TESK1: variants seen among roughly 807,000 people sequenced by gnomAD.
TESK1 encodes testis associated actin remodelling kinase 1.
In TESK1, 18 loss-of-function variants were observed where a neutral mutation model predicts 59.9. That is an observed-to-expected ratio of 0.30 (90% confidence interval 0.21 to 0.45). The LOEUF is 0.45. Among genes scored for constraint, TESK1 ranks in the 20% least tolerant of loss-of-function variants. The pLI, the probability that TESK1 is intolerant of heterozygous loss-of-function variation, is 1.00. For synonymous variants in TESK1, 341 were observed against 357.4 expected (o/e 0.95, Z 0.52); for missense variants, 748 against 840.9 (o/e 0.89, Z 1.37).
Position 35,609,633 on chromosome 9 carries a change from T to C in TESK1, c.1772T>C (p.Val591Ala). Residue 591 changes from valine to alanine, a missense_variant, in exon 10 of 10, where the codon GTT (valine) becomes GCT (alanine). Val to Ala is a moderately conservative substitution (Grantham distance 64). Transcript: ENST00000336395. The surrounding 1 kb of genome is among the most constrained non-coding windows in gnomAD (Gnocchi z 6.7). ...LSMCPRPTPA[V>A]ARYRNLNCEA... ...ATGTGCCCCCGCCCCACACCAGCTG[T>C]TGCCCGCTACCGCAACCTGAACTGT... 1 of 1,609,736 alleles carries C rather than the reference T, an allele frequency of 6.2e-7. No homozygotes were observed.
Position 35,607,456 on chromosome 9 carries a change from A to G in TESK1, c.620+47A>G, listed in dbSNP as rs1488909750. The G allele has an allele frequency of 5.6e-6, 9 of 1,607,030 alleles. No homozygotes were observed. The highest frequency in any genetic ancestry group is 3.3e-5 in the Admixed American group (2 of 60,012). On this transcript the variant is annotated intron_variant, in intron 5 of 9. Coordinates refer to ENST00000336395, the MANE Select transcript of TESK1 (RefSeq NM_006285.3). This position sits in a 1 kb window ranked among gnomAD's most constrained non-coding sequence, Gnocchi z 4.5. ...CCCCCAAATCTCCCAGAGTGCCCCTATCTGATGTCCCCAGAGCCCCAGGGA... is the reference window on the plus strand; with the variant it reads ...CCCCCAAATCTCCCAGAGTGCCCCTGTCTGATGTCCCCAGAGCCCCAGGGA...
At chr9:35,608,746 A>G (rs559012362) in intron 9 of TESK1, 116 bp from the exon 10 acceptor site, 3 of 1,258,808 alleles carry the variant, frequency 2.4e-6, no homozygotes, top group East Asian at 2.3e-5. Context: ...CCAAAGCACC[A>G]GGTGGGACTC....
chr9:35,605,992 C>T lies in TESK1; in HGVS notation c.228C>T (p.His76=), dbSNP rs775136619. 1.2e-6 allele frequency: 2 copies of T among 1,613,882 alleles called. No individual in the cohort carries two copies. Among genetic ancestry groups the T allele is most frequent in the South Asian group, 2.2e-5 (2 of 91,080 alleles). ...GFFSEVYKVR[H]RQSGQVMVLK... ...GCTGCTCCTGCCCCCAGGTTCGGCACCGACAGTCAGGGCAAGTCATGGTGC... is the reference window on the plus strand; with the variant it reads ...GCTGCTCCTGCCCCCAGGTTCGGCATCGACAGTCAGGGCAAGTCATGGTGC... The change falls in exon 2 of 10, where the codon CAC becomes CAT. Residue 76 remains histidine (H), a synonymous_variant. Transcript: ENST00000336395.
chr9:35,606,803 T>A, intron 3 of TESK1, 34 bp from the exon 4 acceptor site: 1 of 1,565,666 alleles, frequency 6.4e-7, no homozygotes. Context: ...GACTGAAGTC[T>A]GACATCTATT....
Position 35,607,324 on chromosome 9 carries a change from C to G in TESK1, c.538-3C>G, listed in dbSNP as rs1203017990. 6.2e-7 allele frequency: 1 copy of G among 1,614,080 alleles called. No homozygotes were observed. Among genetic ancestry groups the G allele is most frequent in the Non-Finnish European group, 8.5e-7 (1 of 1,179,994 alleles). On this transcript the variant is annotated splice_region_variant and splice_polypyrimidine_tract_variant and intron_variant, in intron 4 of 9. Coordinates refer to ENST00000336395, the MANE Select transcript of TESK1 (RefSeq NM_006285.3). This position sits in a 1 kb window ranked among gnomAD's most constrained non-coding sequence, Gnocchi z 4.5. ...GTGGGGATACTATGTGTGTGTGTGT[C>G]AGAACTGTCTAGTCCGACGGGAAGA...
Position 35,609,370 on chromosome 9 carries a change from C to A in TESK1, c.1509C>A (p.Ser503=). The change falls in exon 10 of 10, where the codon TCC becomes TCA. Residue 503 remains serine, a synonymous_variant. Coordinates refer to ENST00000336395, the MANE Select transcript of TESK1 (RefSeq NM_006285.3). The surrounding 1 kb of genome is among the most constrained non-coding windows in gnomAD (Gnocchi z 6.7). The part of the protein sequence containing the change: ...DNFISTCSSA[S]QPWSPRSGPV... The stretch of plus-strand genomic sequence containing the variant: ...TCATCAGCACCTGTTCCTCGGCCTC[C>A]CAACCCTGGTCCCCTAGATCAGGAC... 6.2e-7 allele frequency: 1 copy of A among 1,612,324 alleles called. No homozygotes were observed. Among genetic ancestry groups the A allele is most frequent in the Non-Finnish European group, 8.5e-7 (1 of 1,179,228 alleles).
At position 35,606,096 on chromosome 9, in the gene TESK1, A is replaced by G. The variant is rs747219631; in HGVS notation, c.332A>G (p.Asn111Ser). ...CTGATGAACCGGCTCAGGCACCCCA[A>G]CATCCTAAGGTGAGCGGCCCCAGTC... ...VQLMNRLRHP[N>S]ILRFMGVCVH... The change falls in exon 2 of 10, where the codon AAC becomes AGC. Residue 111 changes from asparagine (N) to serine (S), a missense_variant. Physicochemically the swap from Asn to Ser is conservative, Grantham distance 46. Coordinates refer to ENST00000336395, the MANE Select transcript of TESK1 (RefSeq NM_006285.3). 1.9e-6 allele frequency: 3 copies of G among 1,614,182 alleles called. No individual in the cohort carries two copies. Among genetic ancestry groups the G allele is most frequent in the East Asian group, 2.2e-5 (1 of 44,854 alleles).
In TESK1 at chr9:35,607,240, G is replaced by C. The variant is rs576466018; in HGVS notation, c.538-87G>C. 128 of 1,525,806 alleles carry C rather than the reference G, an allele frequency of 8.4e-5. No individual in the cohort carries two copies. In the African/African-American group the frequency reaches 1.7e-3, roughly 20 times the overall value. The allele number at this position is 1,525,806 out of a possible 1,614,324, so 94.5% of individuals were successfully genotyped here. A position where few individuals can be genotyped will look rare whatever the true frequency, so the allele number is the denominator to read the frequency against. The stretch of plus-strand genomic sequence containing the variant: ...GAGCAGAGAGGGTTGGAGTTATGCT[G>C]GAGTGACAGGGCTTTGGGTTATACA... On this transcript the variant is annotated intron_variant, in intron 4 of 9. Coordinates refer to ENST00000336395, the MANE Select transcript of TESK1 (RefSeq NM_006285.3). This position sits in a 1 kb window ranked among gnomAD's most constrained non-coding sequence, Gnocchi z 4.5.
In TESK1 at chr9:35,605,286, C is replaced by T. The variant is rs1287543842; in HGVS notation, c.-334C>T. The T allele has an allele frequency of 6.7e-6, 1 of 148,858 alleles. No homozygotes were observed. The highest frequency in any genetic ancestry group is 1.5e-5 in the Non-Finnish European group (1 of 66,198). 9.2% of individuals were successfully genotyped at this position (148,858 alleles called of 1,614,324 possible). A position where few individuals can be genotyped will look rare whatever the true frequency, so the allele number is the denominator to read the frequency against. Reference sequence around the variant, plus strand: ...CGGAGCCTGATCCCCGGCGGCTAAGCGGAGCAGCCGCCGCCCGCCCGCCCG... The same window carrying T: ...CGGAGCCTGATCCCCGGCGGCTAAGTGGAGCAGCCGCCGCCCGCCCGCCCG... On this transcript the variant is annotated 5_prime_UTR_variant, in exon 1 of 10. Transcript: ENST00000336395.
chr9:35,607,504 G>A lies in TESK1; in HGVS notation c.621-78G>A. The A allele has an allele frequency of 1.9e-6, 3 of 1,574,400 alleles. No individual in the cohort carries two copies. The highest frequency in any genetic ancestry group is 2.6e-6 in the Non-Finnish European group (3 of 1,144,366). ...GGATGTTTCCCTTGGGGAACGGAGG[G>A]AGTTCACCTCATCCCCTTTTGCCTG... On this transcript the variant is annotated intron_variant, in intron 5 of 9. Coordinates refer to ENST00000336395, the MANE Select transcript of TESK1 (RefSeq NM_006285.3). This position sits in a 1 kb window ranked among gnomAD's most constrained non-coding sequence, Gnocchi z 4.5.
rs2131746099 is a variant in TESK1 at position 35,607,786 on chromosome 9, C to A, written c.711+114C>A. On this transcript the variant is annotated intron_variant, in intron 6 of 9. Transcript: ENST00000336395. This position sits in a 1 kb window ranked among gnomAD's most constrained non-coding sequence, Gnocchi z 4.5. The stretch of plus-strand genomic sequence containing the variant: ...CCAGATCTTCAGGAGTCCCCAAGAT[C>A]CCTTTGCCCCTCACAGGCACCCTTC... 3 of 1,262,624 alleles carry A rather than the reference C, an allele frequency of 2.4e-6. No individual in the cohort carries two copies. The highest frequency in any genetic ancestry group is 3.4e-6 in the Non-Finnish European group (3 of 890,588). 78.2% of individuals were successfully genotyped at this position (1,262,624 alleles called of 1,614,324 possible).
intron 9 of TESK1, 75 bp downstream of exon 9, chr9:35,608,584 G>A: frequency 7.3e-7 from 1 of 1,377,636 alleles, no homozygotes; most frequent in Non-Finnish European, 1.0e-6. Context: ...GTGACATGGG[G>A]GAGGCTAAGT....
At position 35,609,999 on chromosome 9, in the gene TESK1, A is replaced by G; in HGVS notation, c.*257A>G. ...ACGTGCAATTATTTAAAAAGATTTC[A>G]ATAAAACTGCCTGGCTGGCTCCGGG... On this transcript the variant is annotated 3_prime_UTR_variant, in exon 10 of 10. Coordinates refer to ENST00000336395, the MANE Select transcript of TESK1 (RefSeq NM_006285.3). The surrounding 1 kb of genome is among the most constrained non-coding windows in gnomAD (Gnocchi z 6.7). The G allele has an allele frequency of 2.2e-6, 1 of 445,120 alleles. No homozygotes were observed. The highest frequency in any genetic ancestry group is 3.7e-5 in the East Asian group (1 of 26,970). The allele number at this position is 445,120 out of a possible 1,614,324, so 27.6% of individuals were successfully genotyped here.
In TESK1 at chr9:35,607,922, C is replaced by T; in HGVS notation, c.712-6C>T. 1 of 1,613,868 alleles carries T rather than the reference C, an allele frequency of 6.2e-7. No homozygotes were observed. The highest frequency in any genetic ancestry group is 8.5e-7 in the Non-Finnish European group (1 of 1,179,932). ...CTTCCCCGACACTATTATCTCTGAC[C>T]CCCAGGCTGATGTCTTTGCCTTCGG... On this transcript the variant is annotated splice_polypyrimidine_tract_variant and splice_region_variant and intron_variant, in intron 6 of 9. Coordinates refer to ENST00000336395, the MANE Select transcript of TESK1 (RefSeq NM_006285.3). This position sits in a 1 kb window ranked among gnomAD's most constrained non-coding sequence, Gnocchi z 4.5.
In TESK1 at chr9:35,608,197, T is replaced by G. The variant is rs1822887378; in HGVS notation, c.833T>G (p.Val278Gly). The change falls in exon 8 of 10, where the codon GTG (valine) becomes GGG (glycine). Residue 278 changes from valine (V) to glycine (G), a missense_variant. Around this residue, in one of 3 missense-constraint regions of TESK1, gnomAD observed 447 missense variants for 466.1 expected, o/e 0.96. Transcript: ENST00000336395. ...GATGTGCCTGCTTTCCGAACTCTGGTGGGGGATGACTGCCCACTGCCTTTC... is the reference window on the plus strand; with the variant it reads ...GATGTGCCTGCTTTCCGAACTCTGGGGGGGGATGACTGCCCACTGCCTTTC... Reference protein sequence around the residue: ...GLDVPAFRTLVGDDCPLPFLL... With the variant: ...GLDVPAFRTLGGDDCPLPFLL... 6.2e-7 allele frequency: 1 copy of G among 1,614,152 alleles called. No homozygotes were observed. The highest frequency in any genetic ancestry group is 8.5e-7 in the Non-Finnish European group (1 of 1,180,016).
At position 35,609,032 on chromosome 9, in the gene TESK1, A is replaced by G; in HGVS notation, c.1171A>G (p.Lys391Glu). 1 of 1,614,176 alleles carries G rather than the reference A, an allele frequency of 6.2e-7. No homozygotes were observed. The highest frequency in any genetic ancestry group is 8.5e-7 in the Non-Finnish European group (1 of 1,180,016). ...ACTACGGGAAGACCTCAGGGGTGGC[A>G]AGATCAAGCTCTTAGACACACCCAG... ...FSLREDLRGG[K>E]IKLLDTPSKP... Residue 391 changes from lysine to glutamate, a missense_variant, in exon 10 of 10, where the codon AAG (lysine) becomes GAG (glutamate). Coordinates refer to ENST00000336395, the MANE Select transcript of TESK1 (RefSeq NM_006285.3). This position sits in a 1 kb window ranked among gnomAD's most constrained non-coding sequence, Gnocchi z 6.7.
rs370022522 is a variant in TESK1, at chr9:35,609,159, G to A, written c.1298G>A (p.Arg433His). The change falls in exon 10 of 10, where the codon CGC becomes CAC. Residue 433 changes from arginine to histidine, a missense_variant. Around this residue, in one of 3 missense-constraint regions of TESK1, gnomAD observed 447 missense variants for 466.1 expected, o/e 0.96. Transcript: ENST00000336395. This position sits in a 1 kb window ranked among gnomAD's most constrained non-coding sequence, Gnocchi z 6.7. ...CTGGTCCAGCCTGGGACACCTGCCC[G>A]CCGCTGCCGCTCACTACCCTCATCC... ...ETLVQPGTPA[R>H]RCRSLPSSPE... 11 of 1,613,464 alleles carry A rather than the reference G, an allele frequency of 6.8e-6. No individual in the cohort carries two copies. The highest frequency in any genetic ancestry group is 1.6e-4 in the Middle Eastern group (1 of 6,062).
In TESK1 at chr9:35,605,560, G is replaced by C. The variant is rs1822826273; in HGVS notation, c.-60G>C. 2 of 489,888 alleles carry C rather than the reference G, an allele frequency of 4.1e-6. No individual in the cohort carries two copies. The highest frequency in any genetic ancestry group is 3.0e-6 in the Non-Finnish European group (1 of 333,406). The allele number at this position is 489,888 out of a possible 1,614,324, so 30.3% of individuals were successfully genotyped here. On this transcript the variant is annotated 5_prime_UTR_variant, in exon 1 of 10. Transcript: ENST00000336395. ...CTGGGCCCGCGCCCATGGCAAGCGC[G>C]GCCTGCCCGGGCCCTGGGGACCCTG...
In TESK1 at chr9:35,607,981, T is replaced by G. The variant is rs7018639; in HGVS notation, c.765T>G (p.Pro255=). 2.3e-3 allele frequency: 3,691 copies of G among 1,614,176 alleles called. 81 individuals are homozygous for G. In the African/African-American group the frequency reaches 0.044, roughly 19 times the overall value. ...IVLCELIARV[P]ADPDYLPRTE... is the part of the protein sequence containing the mutation. ...TCTGTGAGCTCATCGCCCGAGTACC[T>G]GCAGACCCTGACTACCTACCACGCA... Residue 255 remains proline (P), a synonymous_variant, in exon 7 of 10, where the codon CCT becomes CCG. Transcript: ENST00000336395. This position sits in a 1 kb window ranked among gnomAD's most constrained non-coding sequence, Gnocchi z 4.5.
Sources: gnomAD v4.1 joint callset for allele counts on GRCh38, gnomAD v4.1.1 for gene constraint, gnomAD v4.1.1 regional missense constraint, Gnocchi (gnomAD v3.1) non-coding constraint, MANE v1.5 for transcripts, NCBI Gene and HGNC (gene_info 2026-07-23, HGNC 2026-07-21) for gene names.